AP4S1: variants seen among roughly 807,000 people sequenced by gnomAD.
AP4S1 encodes the protein AP-4 complex subunit sigma-1.
In AP4S1, 23 loss-of-function variants were observed where a neutral mutation model predicts 19.8. The ratio of observed to expected loss-of-function variants is 1.16; its 90% CI spans 0.84 to 1.65. AP4S1 has a LOEUF of 1.65. Among genes scored for constraint, AP4S1 ranks in the 40% most tolerant of loss-of-function variants. The probability of loss-of-function intolerance (pLI) is 0.00; values close to 1 mark genes in which losing one functional copy is unlikely to be tolerated. For missense variants in AP4S1, 166 were observed against 172.8 expected, an observed-to-expected ratio of 0.96 and a Z score of 0.22; for synonymous variants, 46 against 54.1, an observed-to-expected ratio of 0.85 and a Z score of 0.66.
intron 5 of AP4S1, among the ~76,000 whole-genome samples, chr14:31,081,780 T>A (rs1887650734): frequency 6.6e-6 from 1 of 151,730 alleles, no homozygotes; most frequent in African/African-American, 2.4e-5. Context: ...ACACAGGCAT[T>A]TTTCCACATT....
chr14:31,025,402 G>T, upstream of AP4S1: 1 of 170,268 alleles, frequency 5.9e-6, no homozygotes, highest in Non-Finnish European at 1.3e-5. Flanking sequence ...GCTGTCAAGG[G>T]GCAAGCGCGT....
intron 5 of AP4S1, among the ~76,000 whole-genome samples, chr14:31,088,713 C>T (rs1044735203): frequency 7.1e-6 from 1 of 141,526 alleles, no homozygotes; most frequent in Non-Finnish European, 1.5e-5. Flanking sequence ...GAGGCTGAGG[C>T]GGGAGGATCG....
In AP4S1 at chr14:31,093,118, T is replaced by C; in HGVS notation, c.*83T>C. 1.4e-6 allele frequency: 2 copies of C among 1,383,300 alleles called. No individual in the cohort carries two copies. The highest frequency in any genetic ancestry group is 9.6e-7 in the Non-Finnish European group (1 of 1,039,134). 85.7% of individuals were successfully genotyped at this position (1,383,300 alleles called of 1,614,324 possible). ...ATCTCAACATGTTAACCCAGAAGAA[T>C]CTGGAAGACCACAATTACAAAATGG... On this transcript the variant is annotated 3_prime_UTR_variant, in exon 6 of 6. Coordinates refer to ENST00000542754, the MANE Select transcript of AP4S1 (RefSeq NM_001128126.3).
At chr14:31,084,951 C>T (rs1034528586) in intron 5 of AP4S1, 34 of 1,608,950 alleles carry the variant, frequency 2.1e-5, no homozygotes, top group Middle Eastern at 3.3e-4. Context: ...CAAATCAGTG[C>T]GTACCTGCTC....
chr14:31,031,855 C>T (rs1040886243), intron 1 of AP4S1, among the ~76,000 whole-genome samples: 1 of 152,130 alleles, frequency 6.6e-6, no homozygotes, highest in Non-Finnish European at 1.5e-5. Flanking sequence ...ATAGATTCTC[C>T]CAGTTTCAAT....
At position 31,049,895 on chromosome 14, in the gene AP4S1, C is replaced by T. The variant is rs146747748; in HGVS notation, c.-71-16231C>T. On this transcript the variant is annotated intron_variant, in intron 1 of 5. Coordinates refer to ENST00000542754, the MANE Select transcript of AP4S1 (RefSeq NM_001128126.3). ...GGGATTACAGGCATGGACGCCATTCCCGGTGCCCTCTTAACTTTATTTATT... is the reference window on the plus strand; with the variant it reads ...GGGATTACAGGCATGGACGCCATTCTCGGTGCCCTCTTAACTTTATTTATT... Among the ~76,000 whole-genome samples, 734 of 151,946 alleles carry T rather than the reference C, an allele frequency of 4.8e-3. 6 individuals carry two copies. The highest frequency in any genetic ancestry group is 0.017 in the African/African-American group (688 of 41,460).
At chr14:31,073,066 A>G in intron 4 of AP4S1, 93 bp downstream of exon 4, 1 of 1,074,672 alleles carries the variant, frequency 9.3e-7, no homozygotes, top group Non-Finnish European at 1.4e-6. Flanking sequence ...ATGTGTTAAT[A>G]CAGAGTTTTA....
At chr14:31,073,353 G>A (rs549240974) in intron 4 of AP4S1, among the ~76,000 whole-genome samples, 1,660 of 134,890 alleles carry the variant, frequency 0.012, 67 homozygotes, top group African/African-American at 0.032. Context: ...AGCTGGGCGT[G>A]GTGGTGGGCG....
chr14:31,025,916 C>T (rs200092049), intron 1 of AP4S1, 129 bp downstream of exon 1: 3 of 1,601,466 alleles, frequency 1.9e-6, no homozygotes, highest in East Asian at 2.3e-5. Context: ...GCAGTTCGGC[C>T]CGTTCCACCT....
intron 5 of AP4S1, among the ~76,000 whole-genome samples, chr14:31,086,707 C>T (rs554920526): frequency 3.9e-5 from 6 of 152,198 alleles, no homozygotes; most frequent in African/African-American, 9.6e-5. Context: ...TGAGCCACCA[C>T]GCCCAGCCAG....
chr14:31,037,396 A>G (rs1260101899), intron 1 of AP4S1, among the ~76,000 whole-genome samples: 3 of 151,956 alleles, frequency 2.0e-5, no homozygotes, highest in African/African-American at 4.8e-5. Flanking sequence ...GTTCGGGAAG[A>G]TCCCAGAATC....
At chr14:31,041,250 A>G (rs1229680796) in intron 1 of AP4S1, among the ~76,000 whole-genome samples, 2 of 151,870 alleles carry the variant, frequency 1.3e-5, no homozygotes, top group Non-Finnish European at 2.9e-5. Flanking sequence ...CCTGAGTTCA[A>G]GCAGTTCTCC....
chr14:31,033,035 T>G (rs1035969661), intron 1 of AP4S1: 7 of 152,318 alleles, frequency 4.6e-5, no homozygotes, highest in Non-Finnish European at 1.0e-4. Context: ...TTCTCACTCT[T>G]TACATCAGTG....
chr14:31,073,185 G>GAAAA (rs140738043), intron 4 of AP4S1: 27 of 415,996 alleles, frequency 6.5e-5, no homozygotes, highest in African/African-American at 4.6e-4. Flanking sequence ...TAAAGAACTG[G>GAAAA]AAAAAAAAAA....
intron 1 of AP4S1, among the ~76,000 whole-genome samples, chr14:31,063,138 A>T (rs1024749414): frequency 6.6e-6 from 1 of 151,628 alleles, no homozygotes; most frequent in African/African-American, 2.4e-5. Flanking sequence ...CTCTACAAAA[A>T]TAAAAATAAA....
chr14:31,029,980 C>CT lies in AP4S1; in HGVS notation c.-72+4204dup, dbSNP rs1038052868. 3.3e-3 allele frequency among the ~76,000 whole-genome samples: 480 copies of CT among 146,928 alleles called. 2 individuals carry two copies. Among genetic ancestry groups the CT allele is most frequent in the African/African-American group, 8.8e-3 (355 of 40,304 alleles). On this transcript the variant is annotated intron_variant, in intron 1 of 5. Coordinates refer to ENST00000542754, the MANE Select transcript of AP4S1 (RefSeq NM_001128126.3). Reference sequence around the variant, plus strand: ...ATGCTTATCTCTTTTTTTCTTTAATCTTTTTTTTTTTCTTTTTTGAGACTG... The same window carrying CT: ...ATGCTTATCTCTTTTTTTCTTTAATCTTTTTTTTTTTTCTTTTTTGAGACTG...
chr14:31,072,670 CA>C (rs143738121), intron 3 of AP4S1, among the ~76,000 whole-genome samples: 1 of 151,642 alleles, frequency 6.6e-6, no homozygotes, highest in Admixed American at 6.6e-5. Context: ...CACATCTGGC[CA>C]AAAAAAATCC....
At chr14:31,026,563 A>C (rs1883972081) in intron 1 of AP4S1, 1 of 181,858 alleles carries the variant, frequency 5.5e-6, no homozygotes, top group Non-Finnish European at 1.1e-5. Context: ...CTGAGAACGC[A>C]GCCCGGGTCG....
chr14:31,026,026 C>G, intron 1 of AP4S1: 1 of 1,540,166 alleles, frequency 6.5e-7, no homozygotes, highest in South Asian at 1.2e-5. Context: ...AGCTCGGGGC[C>G]TGCCGCGGGA....
Sources: gnomAD v4.1 joint callset for allele counts (sites outside exome capture counted in the v4.1 genomes callset) on GRCh38, gnomAD v4.1.1 for gene constraint, MANE v1.5 for transcripts, NCBI Gene and HGNC (gene_info 2026-07-23, HGNC 2026-07-21) for gene names.